Variants in SPAG9 observed in about 807,000 individuals in gnomAD.
SPAG9 encodes sperm associated antigen 9, also known as C-Jun-amino-terminal kinase-interacting protein 4.
Under a neutral mutation model 166.5 loss-of-function variants are expected in SPAG9, and 35 were observed. The ratio of observed to expected loss-of-function variants is 0.21; its 90% confidence interval spans 0.16 to 0.28. SPAG9 has a LOEUF of 0.28. Ranked by LOEUF, SPAG9 falls within the 10% of genes least tolerant of loss-of-function variation. The pLI is 1.00. For synonymous variants in SPAG9, 534 were observed against 565.5 expected, an observed-to-expected ratio of 0.94 and a Z score of 0.79; for missense variants, 1,235 against 1,603.3, an observed-to-expected ratio of 0.77 and a Z score of 3.92.
intron 29 of SPAG9, among the ~76,000 whole-genome samples, chr17:50,969,869 C>T (rs1973646662): frequency 6.6e-6 from 1 of 152,154 alleles, no homozygotes. Flanking sequence ...ACTGACTACT[C>T]ACTACCAGAG....
intron 3 of SPAG9, among the ~76,000 whole-genome samples, chr17:51,054,392 G>A (rs147761032): frequency 1.5e-3 from 220 of 151,160 alleles, no homozygotes; most frequent in Middle Eastern, 6.9e-3. Context: ...CAAAGTGCTA[G>A]GATTACAGGC....
At chr17:51,022,267 G>A (rs149576260) in intron 6 of SPAG9, among the ~76,000 whole-genome samples, 1 of 152,148 alleles carries the variant, frequency 6.6e-6, no homozygotes, top group East Asian at 1.9e-4. Flanking sequence ...GAGTAGGGAG[G>A]AGTAGACAGA....
chr17:50,998,926 G>T (rs1032184577), intron 14 of SPAG9, among the ~76,000 whole-genome samples: 37 of 152,084 alleles, frequency 2.4e-4, no homozygotes, highest in Admixed American at 1.4e-3. Flanking sequence ...ATATATTTTG[G>T]TTTTTTTGCT....
At chr17:51,014,093 T>C (rs1218292355) in intron 9 of SPAG9, 139 bp downstream of exon 9, 1 of 617,170 alleles carries the variant, frequency 1.6e-6, no homozygotes. Context: ...ACAAAGAATA[T>C]GTTCCCAATA....
chr17:51,092,812 C>A (rs2048506115), intron 1 of SPAG9, among the ~76,000 whole-genome samples: 1 of 151,090 alleles, frequency 6.6e-6, no homozygotes, highest in Non-Finnish European at 1.5e-5. Context: ...GTGGCAGACA[C>A]CTGTAGTTCT....
In SPAG9 at chr17:50,964,786, T is replaced by G. The variant is rs757141669; in HGVS notation, c.*1486A>C. On this transcript the variant is annotated 3_prime_UTR_variant, in exon 30 of 30. Coordinates refer to ENST00000262013, the MANE Select transcript of SPAG9 (RefSeq NM_001130528.3). ...TGTCTGTTTTGAGACAGGGTCTTGC[T>G]CCGTCACCCAGGCTGGAGTGCAGTG... 4.5e-6 allele frequency: 2 copies of G among 441,500 alleles called. No homozygotes were observed. Among genetic ancestry groups the G allele is most frequent in the South Asian group, 1.6e-5 (1 of 62,730 alleles). 27.3% of individuals were successfully genotyped at this position (441,500 alleles called of 1,614,324 possible).
rs529102170 is a variant in SPAG9 at position 50,981,390 on chromosome 17, GTGGA to G, written c.3237+1130_3237+1133del. Among the ~76,000 whole-genome samples, 1,352 of 150,102 alleles carry G rather than the reference GTGGA, an allele frequency of 9.0e-3. 24 individuals are homozygous for G. Among genetic ancestry groups the G allele is most frequent in the African/African-American group, 0.031 (1,247 of 40,480 alleles). On this transcript the variant is annotated intron_variant, in intron 25 of 29. Coordinates refer to ENST00000262013, the MANE Select transcript of SPAG9 (RefSeq NM_001130528.3). The stretch of plus-strand genomic sequence containing the variant: ...TCAATAAGGGATATTCAACCTGTGT[GTGGA>G]TGGATGGATGGATGGATGGATGGAT...
chr17:51,000,751 GAATGAATAAATAAATAAATAAATA>G (rs2044905619), intron 13 of SPAG9, among the ~76,000 whole-genome samples: 1 of 133,400 alleles, frequency 7.5e-6, no homozygotes, highest in Non-Finnish European at 1.6e-5. Flanking sequence ...CTCAATAAAT[GAATGAATAAATAAATAAATAAATA>G]AATAAATAAA....
chr17:51,118,843 A>G (rs1383797096), intron 1 of SPAG9, among the ~76,000 whole-genome samples: 1 of 152,156 alleles, frequency 6.6e-6, no homozygotes, highest in African/African-American at 2.4e-5. Context: ...TGAGGCCAGG[A>G]GTTCAAGACC....
intron 5 of SPAG9, among the ~76,000 whole-genome samples, chr17:51,035,181 T>C (rs1227613667): frequency 6.6e-6 from 1 of 152,076 alleles, no homozygotes; most frequent in Non-Finnish European, 1.5e-5. Context: ...TATGGGATCC[T>C]GGGCTGGATT....
intron 1 of SPAG9, among the ~76,000 whole-genome samples, chr17:51,082,384 A>C (rs1016496842): frequency 4.6e-5 from 7 of 150,566 alleles, no homozygotes; most frequent in African/African-American, 1.7e-4. Context: ...TCTCAAAAAA[A>C]AAAAAAAAAA....
chr17:51,102,569 C>T (rs2048837547), intron 1 of SPAG9, among the ~76,000 whole-genome samples: 1 of 151,490 alleles, frequency 6.6e-6, no homozygotes, highest in Non-Finnish European at 1.5e-5. Flanking sequence ...GTGGCATGAT[C>T]TTCATTCACT....
At chr17:51,042,217 GA>G (rs1363774050) in intron 4 of SPAG9, among the ~76,000 whole-genome samples, 1 of 152,122 alleles carries the variant, frequency 6.6e-6, no homozygotes, top group African/African-American at 2.4e-5. Flanking sequence ...TTTTTCTACA[GA>G]ACCACTATAT....
chr17:51,015,853 G>A (rs755969691), intron 8 of SPAG9, among the ~76,000 whole-genome samples: 2 of 152,086 alleles, frequency 1.3e-5, no homozygotes, highest in African/African-American at 4.8e-5. Flanking sequence ...TCCAGAACGA[G>A]AGCAGAAGAA....
intron 10 of SPAG9, 27 bp from the exon 11 acceptor site, chr17:51,006,264 C>G (rs2045214795): frequency 1.2e-6 from 2 of 1,603,890 alleles, no homozygotes; most frequent in Non-Finnish European, 1.7e-6. Flanking sequence ...TCAAGTGCAT[C>G]ATTACAAATA....
chr17:50,970,583 G>C (rs1033971039), intron 29 of SPAG9, 124 bp downstream of exon 29: 2 of 675,702 alleles, frequency 3.0e-6, no homozygotes, highest in African/African-American at 1.9e-5. Context: ...AAATCCTTTC[G>C]TGTGTAAAGA....
chr17:51,037,880 A>G lies in SPAG9; in HGVS notation c.741+3621T>C, dbSNP rs147688609. 5.2e-3 allele frequency among the ~76,000 whole-genome samples: 795 copies of G among 151,728 alleles called. 3 individuals carry two copies. The highest frequency in any genetic ancestry group is 8.7e-3 in the Non-Finnish European group (589 of 67,876). ...CTGTCCAGCCTATAGCACTTTTATA[A>G]TATGCTCTTTAACGCAACAGCTTTG... is the stretch of plus-strand genomic sequence containing the variant. On this transcript the variant is annotated intron_variant, in intron 5 of 29. Transcript: ENST00000262013.
At chr17:51,029,217 A>T (rs2046299796) in intron 6 of SPAG9, among the ~76,000 whole-genome samples, 1 of 152,224 alleles carries the variant, frequency 6.6e-6, no homozygotes, top group Non-Finnish European at 1.5e-5. Context: ...GCCAAAAAGC[A>T]TATAAAATGA....
intron 1 of SPAG9, among the ~76,000 whole-genome samples, chr17:51,107,216 A>C (rs1239936991): frequency 1.3e-5 from 2 of 152,056 alleles, no homozygotes; most frequent in South Asian, 2.1e-4. Flanking sequence ...ATAAGGTAGA[A>C]CTAGAGAATC....
Sources: gnomAD v4.1 joint callset for allele counts (sites outside exome capture counted in the v4.1 genomes callset) on GRCh38, gnomAD v4.1.1 for gene constraint, MANE v1.5 for transcripts, NCBI Gene and HGNC (gene_info 2026-07-23, HGNC 2026-07-21) for gene names.